The following TCF12 variants were observed in gnomAD, a reference collection of about 807,000 sequenced individuals.
The protein encoded by TCF12 is DNA-binding protein HTF4.
In TCF12, 45 loss-of-function variants were observed where a neutral mutation model predicts 86.0. That is an observed-to-expected ratio of 0.52 (90% CI 0.41 to 0.67). TCF12 has a LOEUF of 0.67. Among genes scored for constraint, TCF12 ranks in the 30% least tolerant of loss-of-function variants. The probability of loss-of-function intolerance (pLI) is 0.00; values close to 1 mark genes in which losing one functional copy is unlikely to be tolerated. For synonymous variants in TCF12, 330 were observed against 299.6 expected, an observed-to-expected ratio of 1.10 and a Z score of -1.05; for missense variants, 881 against 859.9, an observed-to-expected ratio of 1.02 and a Z score of -0.31.
chr15:57,095,820 T>C (rs1417585855), intron 5 of TCF12, among the ~76,000 whole-genome samples: 1 of 152,194 alleles, frequency 6.6e-6, no homozygotes, highest in African/African-American at 2.4e-5. Context: ...CTTGTACAGC[T>C]CTAGAATTTT....
intron 6 of TCF12, among the ~76,000 whole-genome samples, chr15:57,184,752 TAA>T (rs2056567211): frequency 6.6e-6 from 1 of 151,920 alleles, no homozygotes; most frequent in Non-Finnish European, 1.5e-5. Context: ...CTGAGCAAAA[TAA>T]AAGAAGGAAA....
At chr15:57,193,098 A>G (rs142155351) in intron 7 of TCF12, among the ~76,000 whole-genome samples, 209 of 152,312 alleles carry the variant, frequency 1.4e-3, no homozygotes, top group Non-Finnish European at 5.4e-4. Context: ...CAGTTCACCA[A>G]TCCTGCTAGT....
chr15:57,006,222 A>C (rs905673694), intron 3 of TCF12, among the ~76,000 whole-genome samples: 5 of 152,172 alleles, frequency 3.3e-5, no homozygotes, highest in Non-Finnish European at 7.3e-5. Flanking sequence ...TTCCATGTTG[A>C]GATTAGATAA....
At chr15:56,966,137 G>A (rs1163368047) in intron 3 of TCF12, among the ~76,000 whole-genome samples, 1 of 152,044 alleles carries the variant, frequency 6.6e-6, no homozygotes, top group Non-Finnish European at 1.5e-5. Flanking sequence ...TTTATATGTA[G>A]CATTTTGTTT....
chr15:57,063,989 C>A (rs1217526780), intron 4 of TCF12, among the ~76,000 whole-genome samples, 166 bp downstream of exon 4: 4 of 152,154 alleles, frequency 2.6e-5, no homozygotes, highest in African/African-American at 9.7e-5. Context: ...TATAAGCTGT[C>A]AAACTTTGGA....
At chr15:57,125,158 G>T (rs532219974) in intron 5 of TCF12, among the ~76,000 whole-genome samples, 1 of 152,162 alleles carries the variant, frequency 6.6e-6, no homozygotes, top group Non-Finnish European at 1.5e-5. Context: ...AGGTTCAGCA[G>T]CCTGACCAGA....
intron 3 of TCF12, among the ~76,000 whole-genome samples, chr15:56,984,007 A>AAAAAAAAAAAAAAAAAAAAAAAC (rs2063028411): frequency 7.0e-6 from 1 of 142,880 alleles, no homozygotes; most frequent in Admixed American, 7.0e-5. Flanking sequence ...GTCTCAAAAA[A>AAAAAAAAAAAAAAAAAAAAAAAC]AAAAAAAAAG....
chr15:56,968,111 A>G (rs1652734), intron 3 of TCF12, among the ~76,000 whole-genome samples: 143,671 of 152,046 alleles, frequency 0.94, 68,172 homozygotes, highest in Non-Finnish European at 0.99. Context: ...CATGTGCCAC[A>G]ACGCCTGGCT....
chr15:57,134,006 C>G (rs1372940833), intron 5 of TCF12, among the ~76,000 whole-genome samples: 1 of 152,156 alleles, frequency 6.6e-6, no homozygotes, highest in Non-Finnish European at 1.5e-5. Flanking sequence ...TATCAGAGTA[C>G]TGATGTATTT....
intron 3 of TCF12, among the ~76,000 whole-genome samples, chr15:56,998,984 G>A (rs1336395752): frequency 6.6e-6 from 1 of 151,986 alleles, no homozygotes; most frequent in African/African-American, 2.4e-5. Context: ...GGATCATGAG[G>A]TCAGGAGATC....
intron 19 of TCF12, among the ~76,000 whole-genome samples, chr15:57,281,104 C>CTTT (rs5812880): frequency 0.027 from 3,666 of 133,926 alleles, 118 homozygotes; most frequent in Non-Finnish European, 0.04. Flanking sequence ...GCACCCTATT[C>CTTT]TTTTTTTTTT....
chr15:57,066,466 G>C (rs1159196814), intron 4 of TCF12, among the ~76,000 whole-genome samples: 2 of 152,004 alleles, frequency 1.3e-5, no homozygotes, highest in African/African-American at 4.8e-5. Context: ...TCAAGTAAAT[G>C]AAATTTATTT....
At chr15:57,192,354 A>G in intron 7 of TCF12, 61 bp downstream of exon 7, 1 of 1,569,524 alleles carries the variant, frequency 6.4e-7, no homozygotes. Flanking sequence ...TTCCTCCCAT[A>G]ATCTGTACTT....
intron 7 of TCF12, among the ~76,000 whole-genome samples, chr15:57,197,453 C>T (rs952752881): frequency 1.3e-5 from 2 of 152,134 alleles, no homozygotes; most frequent in Admixed American, 1.3e-4. Flanking sequence ...CCACCACATC[C>T]GGCCGAACAG....
chr15:57,019,106 CAACCT>C (rs2065322047), intron 3 of TCF12, among the ~76,000 whole-genome samples: 1 of 152,166 alleles, frequency 6.6e-6, no homozygotes, highest in South Asian at 2.1e-4. Context: ...TTTTAGGAAT[CAACCT>C]AACAAGAAAG....
intron 5 of TCF12, among the ~76,000 whole-genome samples, chr15:57,116,072 C>A (rs1343656208): frequency 6.6e-6 from 1 of 152,068 alleles, no homozygotes; most frequent in Non-Finnish European, 1.5e-5. Context: ...AAAAGTGGGG[C>A]AGGTATTGTT....
At chr15:57,277,621 C>G (rs2061461952) in intron 19 of TCF12, among the ~76,000 whole-genome samples, 1 of 143,408 alleles carries the variant, frequency 7.0e-6, no homozygotes, top group Non-Finnish European at 1.5e-5. Flanking sequence ...GAGTGAGACT[C>G]CATCTCAAAA....
At chr15:57,254,989 C>G (rs1184786889) in intron 16 of TCF12, among the ~76,000 whole-genome samples, 1 of 151,610 alleles carries the variant, frequency 6.6e-6, no homozygotes, top group Non-Finnish European at 1.5e-5. Flanking sequence ...TGCAGAATAA[C>G]TTAATAATTT....
intron 3 of TCF12, among the ~76,000 whole-genome samples, chr15:57,008,479 C>G (rs2064619512): frequency 6.6e-6 from 1 of 150,976 alleles, no homozygotes; most frequent in Admixed American, 6.6e-5. Flanking sequence ...CTTCAGCTCC[C>G]AAGTAACTAG....
Sources: allele counts gnomAD v4.1 joint callset (sites outside exome capture counted in the v4.1 genomes callset), GRCh38; gene constraint gnomAD v4.1.1; transcripts MANE v1.5; gene names NCBI Gene and HGNC (gene_info 2026-07-23, HGNC 2026-07-21).